The following SEMA3E variants were observed in gnomAD, a reference collection of about 807,000 sequenced individuals.
The protein encoded by SEMA3E is semaphorin-3E.
SEMA3E carries 49 observed loss-of-function variants against 93.6 expected under a neutral mutation model. That is an observed-to-expected ratio of 0.52 (90% CI 0.42 to 0.66). SEMA3E has a LOEUF of 0.66. Ranked by LOEUF, SEMA3E falls within the 30% of genes least tolerant of loss-of-function variation. The probability of loss-of-function intolerance (pLI) is 0.00; values close to 1 mark genes in which losing one functional copy is unlikely to be tolerated. For missense variants in SEMA3E, 906 were observed against 964.8 expected (o/e 0.94, Z 0.81); for synonymous variants, 363 against 330.7 (o/e 1.10, Z -1.06).
intron 5 of SEMA3E, among the ~76,000 whole-genome samples, chr7:83,417,017 G>A (rs2709892): frequency 0.066 from 6,369 of 96,060 alleles, 224 homozygotes; most frequent in South Asian, 0.15. Flanking sequence ...ACACACACAG[G>A]GAGAGAGAGA....
intron 1 of SEMA3E, among the ~76,000 whole-genome samples, chr7:83,545,828 T>TAA (rs1258632767): frequency 6.8e-6 from 1 of 147,114 alleles, no homozygotes; most frequent in Non-Finnish European, 1.5e-5. Flanking sequence ...TATATATATA[T>TAA]AATATATATC....
chr7:83,584,797 T>A (rs1382363107), intron 1 of SEMA3E, among the ~76,000 whole-genome samples: 1 of 152,158 alleles, frequency 6.6e-6, no homozygotes, highest in African/African-American at 2.4e-5. Flanking sequence ...TGACAGATAA[T>A]TTGATGTTCT....
intron 14 of SEMA3E, among the ~76,000 whole-genome samples, chr7:83,389,549 T>A (rs1006155503): frequency 2.6e-5 from 4 of 151,940 alleles, no homozygotes; most frequent in Admixed American, 6.6e-5. Flanking sequence ...TTTTATACTA[T>A]CCCCGTATAG....
chr7:83,519,350 C>A (rs1020700924), intron 1 of SEMA3E, among the ~76,000 whole-genome samples: 6 of 152,126 alleles, frequency 3.9e-5, no homozygotes. Flanking sequence ...AAACCTAGAA[C>A]CATCTTTCCA....
chr7:83,545,662 C>T (rs1208188310), intron 1 of SEMA3E, among the ~76,000 whole-genome samples: 1 of 150,594 alleles, frequency 6.6e-6, no homozygotes, highest in Admixed American at 6.7e-5. Flanking sequence ...TTTGACAGGG[C>T]TCTCTTGCCT....
Position 83,490,097 on chromosome 7 carries a change from G to C in SEMA3E, c.276+17C>G, listed in dbSNP as rs769771402. On this transcript the variant is annotated intron_variant, in intron 2 of 16. Coordinates refer to ENST00000643230, the MANE Select transcript of SEMA3E (RefSeq NM_012431.3). ...CCTTTTCTATCTCTACTGAAATGCA[G>C]TTTGATATTTCTATACCTCTTTATA... 6.2e-7 allele frequency: 1 copy of C among 1,610,840 alleles called. No homozygotes were observed. The highest frequency in any genetic ancestry group is 2.2e-5 in the East Asian group (1 of 44,812).
chr7:83,494,244 C>T (rs1242029436), intron 1 of SEMA3E, among the ~76,000 whole-genome samples: 1 of 151,326 alleles, frequency 6.6e-6, no homozygotes, highest in East Asian at 1.9e-4. Context: ...AATTTGACCT[C>T]AGCCTTCCCA....
At chr7:83,593,727 A>G (rs1792809224) in intron 1 of SEMA3E, among the ~76,000 whole-genome samples, 1 of 151,962 alleles carries the variant, frequency 6.6e-6, no homozygotes, top group Non-Finnish European at 1.5e-5. Context: ...GTTTATCCAT[A>G]TGGAGAAATC....
chr7:83,463,705 T>C (rs1419926581), intron 4 of SEMA3E, among the ~76,000 whole-genome samples: 1 of 152,144 alleles, frequency 6.6e-6, no homozygotes, highest in Non-Finnish European at 1.5e-5. Context: ...TATACTATAG[T>C]ACAAGCCACT....
At chr7:83,608,742 C>G (rs1210487018) in intron 1 of SEMA3E, among the ~76,000 whole-genome samples, 1 of 151,960 alleles carries the variant, frequency 6.6e-6, no homozygotes, top group African/African-American at 2.4e-5. Flanking sequence ...AATTCGTATG[C>G]AAGATTTTTA....
At chr7:83,387,162 C>A (rs777231452) in intron 14 of SEMA3E, 112 bp from the exon 15 acceptor site, 59 of 852,702 alleles carry the variant, frequency 6.9e-5, no homozygotes, top group African/African-American at 1.2e-4. Context: ...AAAAAATGAT[C>A]ATTCATATGA....
At chr7:83,510,835 A>C (rs1440761240) in intron 1 of SEMA3E, among the ~76,000 whole-genome samples, 2 of 152,184 alleles carry the variant, frequency 1.3e-5, no homozygotes, top group Admixed American at 6.5e-5. Context: ...ACATTTGGTG[A>C]AATGTCCCTT....
At chr7:83,468,322 A>G (rs1024243936) in intron 3 of SEMA3E, among the ~76,000 whole-genome samples, 9 of 152,206 alleles carry the variant, frequency 5.9e-5, no homozygotes, top group Non-Finnish European at 1.3e-4. Context: ...GTTTATTTCC[A>G]TAAGCACCTG....
chr7:83,382,791 CTTTG>C (rs1279191564), intron 16 of SEMA3E, among the ~76,000 whole-genome samples: 2 of 151,632 alleles, frequency 1.3e-5, no homozygotes, highest in Non-Finnish European at 2.9e-5. Context: ...GTTCCATTTG[CTTTG>C]TTTAAGAAAG....
At chr7:83,581,788 T>C (rs1271171923) in intron 1 of SEMA3E, among the ~76,000 whole-genome samples, 2 of 151,962 alleles carry the variant, frequency 1.3e-5, no homozygotes, top group Non-Finnish European at 1.5e-5. Context: ...TAAAACTCCC[T>C]GTGAAACAAT....
chr7:83,592,690 A>G (rs1792778845), intron 1 of SEMA3E, among the ~76,000 whole-genome samples: 1 of 152,182 alleles, frequency 6.6e-6, no homozygotes, highest in Non-Finnish European at 1.5e-5. Flanking sequence ...ATGTAGAAAA[A>G]TGTCTCAACT....
chr7:83,470,684 T>C (rs1003229277), intron 2 of SEMA3E, among the ~76,000 whole-genome samples: 1 of 152,182 alleles, frequency 6.6e-6, no homozygotes, highest in Non-Finnish European at 1.5e-5. Flanking sequence ...GTGTATACTA[T>C]TGCTTTTTGT....
intron 11 of SEMA3E, among the ~76,000 whole-genome samples, chr7:83,399,458 T>A (rs1788193389): frequency 6.6e-6 from 1 of 152,204 alleles, no homozygotes; most frequent in Non-Finnish European, 1.5e-5. Context: ...CGTGAACTCA[T>A]AAGAATTGCT....
At chr7:83,405,412 G>T in intron 9 of SEMA3E, 38 bp downstream of exon 9, 3 of 1,454,248 alleles carry the variant, frequency 2.1e-6, no homozygotes, top group Non-Finnish European at 2.9e-6. Flanking sequence ...GGCATCTCTT[G>T]TTCTATATTG....
Sources: allele counts gnomAD v4.1 joint callset (sites outside exome capture counted in the v4.1 genomes callset), GRCh38; gene constraint gnomAD v4.1.1; transcripts MANE v1.5; gene names NCBI Gene and HGNC (gene_info 2026-07-23, HGNC 2026-07-21).